The following ORC4 variants were observed in gnomAD, a reference collection of about 807,000 sequenced individuals.
ORC4 encodes origin recognition complex subunit 4, also known as origin recognition complex, subunit 4 homolog.
ORC4 carries 55 observed loss-of-function variants against 63.9 expected under a neutral mutation model. The ratio of observed to expected loss-of-function variants is 0.86; its 90% CI spans 0.69 to 1.08. ORC4 has a LOEUF of 1.08. ORC4 is among the 50% of genes least tolerant of loss of function. The probability of loss-of-function intolerance (pLI) is 0.00; values close to 1 mark genes in which losing one functional copy is unlikely to be tolerated. For synonymous variants in ORC4, 150 were observed against 168.5 expected (o/e 0.89, Z 0.85); for missense variants, 511 against 504.4 (o/e 1.01, Z -0.13).
intron 2 of ORC4, among the ~76,000 whole-genome samples, chr2:147,975,513 A>T (rs1317854438): frequency 6.6e-6 from 1 of 152,064 alleles, no homozygotes; most frequent in Non-Finnish European, 1.5e-5. Context: ...AGGGAAAAAA[A>T]AAAAAAGGCA....
chr2:148,005,410 G>C (rs573823655), intron 1 of ORC4, among the ~76,000 whole-genome samples: 2 of 152,002 alleles, frequency 1.3e-5, no homozygotes, highest in African/African-American at 2.4e-5. Flanking sequence ...TGGGGGATGG[G>C]GGGGCTAAGG....
chr2:147,943,366 C>T (rs1688474279), intron 10 of ORC4, 70 bp downstream of exon 10: 6 of 1,032,922 alleles, frequency 5.8e-6, no homozygotes, highest in Non-Finnish European at 9.1e-6. Context: ...GTCTGAGCAA[C>T]AAAGTGAGAC....
intron 10 of ORC4, among the ~76,000 whole-genome samples, chr2:147,940,724 T>A (rs1688321911): frequency 6.6e-6 from 1 of 152,112 alleles, no homozygotes; most frequent in African/African-American, 2.4e-5. Context: ...TGGATGAGAC[T>A]GGAGACTATT....
intron 2 of ORC4, among the ~76,000 whole-genome samples, chr2:147,974,822 A>C (rs894219387): frequency 3.3e-5 from 5 of 151,454 alleles, no homozygotes; most frequent in Admixed American, 1.3e-4. Context: ...AAAAAAAAAA[A>C]AAAACCCAGA....
intron 1 of ORC4, among the ~76,000 whole-genome samples, chr2:148,014,480 C>T (rs1015567036): frequency 2.6e-5 from 4 of 152,086 alleles, no homozygotes; most frequent in Non-Finnish European, 5.9e-5. Context: ...TTCTAGGACT[C>T]ATATATTCCT....
intron 7 of ORC4, among the ~76,000 whole-genome samples, chr2:147,954,170 G>C (rs920718815): frequency 1.6e-4 from 24 of 151,982 alleles, no homozygotes; most frequent in African/African-American, 5.8e-4. Context: ...CTTTAGATCA[G>C]CAGAAAAGTC....
intron 1 of ORC4, among the ~76,000 whole-genome samples, chr2:147,982,497 G>A (rs1284670635): frequency 1.3e-5 from 2 of 152,126 alleles, no homozygotes; most frequent in African/African-American, 4.8e-5. Context: ...AATTAAGAAA[G>A]AATTACTCAA....
At chr2:148,018,837 A>G (rs1316077773) in intron 1 of ORC4, among the ~76,000 whole-genome samples, 1 of 152,192 alleles carries the variant, frequency 6.6e-6, no homozygotes. Context: ...AAAAGAATTG[A>G]GGAAAGGGAT....
chr2:147,960,155 G>T, intron 4 of ORC4: 1 of 554,388 alleles, frequency 1.8e-6, no homozygotes, highest in Non-Finnish European at 2.3e-6. Context: ...TTGCTAAAAG[G>T]AATGGGGATT....
chr2:147,979,819 C>T (rs768438927), intron 1 of ORC4, among the ~76,000 whole-genome samples: 18 of 152,084 alleles, frequency 1.2e-4, no homozygotes, highest in South Asian at 4.1e-4. Context: ...GAACACACAA[C>T]GGAGTAAGGA....
rs538413453 is a variant in ORC4 at position 147,940,267 on chromosome 2, T to C, written c.850-1019A>G. Among the ~76,000 whole-genome samples the C allele has an allele frequency of 1.6e-4, 25 of 152,272 alleles. No homozygotes were observed. The East Asian group carries it at 4.0e-3, about 25-fold the overall frequency. On this transcript the variant is annotated intron_variant, in intron 10 of 13. Transcript: ENST00000392857. ...TTCTTTAGTGGTGATTTGTGAGACT[T>C]TGGTGAATGCATCACTTGAGCAGTA...
At chr2:147,980,794 G>A (rs1301553800) in intron 1 of ORC4, among the ~76,000 whole-genome samples, 1 of 152,148 alleles carries the variant, frequency 6.6e-6, no homozygotes, top group South Asian at 2.1e-4. Context: ...AATCATTATG[G>A]AAAACAGTAT....
chr2:148,003,719 C>T (rs1020625396), intron 1 of ORC4, among the ~76,000 whole-genome samples: 3 of 152,176 alleles, frequency 2.0e-5, no homozygotes, highest in Admixed American at 6.5e-5. Context: ...GATGCCCTCT[C>T]TCACCACTCC....
intron 1 of ORC4, among the ~76,000 whole-genome samples, chr2:148,000,113 G>GT (rs1252352250): frequency 6.6e-6 from 1 of 151,302 alleles, no homozygotes; most frequent in East Asian, 1.9e-4. Context: ...GAGGTAGAAT[G>GT]TTTAATTAGA....
At chr2:147,949,950 C>G (rs115932510) in intron 8 of ORC4, among the ~76,000 whole-genome samples, 3,224 of 151,914 alleles carry the variant, frequency 0.021, 130 homozygotes, top group African/African-American at 0.073. Flanking sequence ...ATAATACCTA[C>G]GTGAAGAAAT....
chr2:148,005,710 G>T (rs867993145), intron 1 of ORC4, among the ~76,000 whole-genome samples: 48 of 149,058 alleles, frequency 3.2e-4, no homozygotes, highest in African/African-American at 1.1e-3. Context: ...CTGGCACAGT[G>T]GTACATGCCC....
chr2:147,972,842 A>G lies in ORC4; in HGVS notation c.135-13T>C. On this transcript the variant is annotated splice_polypyrimidine_tract_variant and intron_variant, in intron 3 of 13. Coordinates refer to ENST00000392857, the MANE Select transcript of ORC4 (RefSeq NM_181741.4). ...CTCACTTAAGTGTCTAAAATGATAT[A>G]AATAGGACAAAATTTTAAAAATGAA... 6.6e-7 allele frequency: 1 copy of G among 1,526,120 alleles called. No individual in the cohort carries two copies. Among genetic ancestry groups the G allele is most frequent in the Non-Finnish European group, 9.1e-7 (1 of 1,101,338 alleles). 94.5% of individuals were successfully genotyped at this position (1,526,120 alleles called of 1,614,324 possible). A position where few individuals can be genotyped will look rare whatever the true frequency, so the allele number is the denominator to read the frequency against.
In ORC4 at chr2:147,938,205, T is replaced by C; in HGVS notation, c.1063A>G (p.Lys355Glu). 1 of 1,612,466 alleles carries C rather than the reference T, an allele frequency of 6.2e-7. No individual in the cohort carries two copies. Among genetic ancestry groups the C allele is most frequent in the Non-Finnish European group, 8.5e-7 (1 of 1,178,780 alleles). The change falls in exon 13 of 14, where the codon AAG becomes GAG. Residue 355 changes from lysine to glutamate, a missense_variant. By Grantham distance (56) the Lys-to-Glu change is moderately conservative (BLOSUM62 1). Transcript: ENST00000392857. ...GAATGTGCTTTCCTTTGAACAAACT[T>C]CTGAAACTCTGAGTAGAAAGCAATG... ...NFQMVYNEFQ[K>E]FVQRKAHSVY... is the part of the protein sequence containing the mutation.
chr2:147,971,137 T>TGTAA (rs1005184677), intron 4 of ORC4, among the ~76,000 whole-genome samples: 2 of 152,008 alleles, frequency 1.3e-5, no homozygotes, highest in East Asian at 3.9e-4. Flanking sequence ...ACCCTATTCT[T>TGTAA]GTAAGTAAGT....
Sources: gnomAD v4.1 joint callset for allele counts (sites outside exome capture counted in the v4.1 genomes callset) on GRCh38, gnomAD v4.1.1 for gene constraint, MANE v1.5 for transcripts, NCBI Gene and HGNC (gene_info 2026-07-23, HGNC 2026-07-21) for gene names.